Variants in KLHL1 observed in about 807,000 individuals in gnomAD.
KLHL1 encodes the protein kelch like family member 1, also known as kelch-like protein 1.
KLHL1 carries 47 observed loss-of-function variants against 77.7 expected under a neutral mutation model. The ratio of observed to expected loss-of-function variants is 0.60; its 90% CI spans 0.48 to 0.77. KLHL1 has a LOEUF of 0.77. Among genes scored for constraint, KLHL1 ranks in the 30% least tolerant of loss-of-function variants. The probability of loss-of-function intolerance (pLI) is 0.00; values close to 1 mark genes in which losing one functional copy is unlikely to be tolerated. For synonymous variants in KLHL1, 360 were observed against 325.2 expected (o/e 1.11, Z -1.15); for missense variants, 925 against 910.8 (o/e 1.02, Z -0.20).
At chr13:69,936,508 G>A (rs77904100) in intron 4 of KLHL1, among the ~76,000 whole-genome samples, 7,462 of 149,242 alleles carry the variant, frequency 0.05, 435 homozygotes, top group African/African-American at 0.14. Flanking sequence ...AGAATTGCCC[G>A]AACCTGGGAG....
intron 6 of KLHL1, among the ~76,000 whole-genome samples, chr13:69,799,724 G>T (rs149952625): frequency 2.0e-3 from 301 of 152,272 alleles, no homozygotes; most frequent in Non-Finnish European, 3.7e-3. Context: ...CCATGGCTCT[G>T]TTCCTTTCTG....
chr13:69,988,468 G>A (rs1278432453), intron 1 of KLHL1, among the ~76,000 whole-genome samples: 1 of 151,856 alleles, frequency 6.6e-6, no homozygotes, highest in Non-Finnish European at 1.5e-5. Flanking sequence ...ATATTCCTTT[G>A]GGTATATACT....
chr13:69,940,855 T>A (rs1320163165), intron 3 of KLHL1, among the ~76,000 whole-genome samples: 1 of 147,594 alleles, frequency 6.8e-6, no homozygotes, highest in African/African-American at 2.5e-5. Flanking sequence ...TTTTCTAATA[T>A]CCAGAATAAT....
intron 4 of KLHL1, among the ~76,000 whole-genome samples, chr13:69,909,041 A>G (rs1433228388): frequency 1.3e-5 from 2 of 149,712 alleles, no homozygotes; most frequent in African/African-American, 4.9e-5. Context: ...ACTTCTGATT[A>G]TTTACCTCAT....
At chr13:69,759,723 G>T (rs1483024181) in intron 7 of KLHL1, among the ~76,000 whole-genome samples, 1 of 152,134 alleles carries the variant, frequency 6.6e-6, no homozygotes, top group Non-Finnish European at 1.5e-5. Context: ...TTTCTACAGG[G>T]ATGACTTTTA....
At chr13:69,858,627 G>C (rs956282051) in intron 5 of KLHL1, among the ~76,000 whole-genome samples, 3 of 151,806 alleles carry the variant, frequency 2.0e-5, no homozygotes, top group Non-Finnish European at 4.4e-5. Flanking sequence ...GTTTTTTTCT[G>C]AACTATCACA....
chr13:70,068,336 G>C (rs1441509282), intron 1 of KLHL1, among the ~76,000 whole-genome samples: 1 of 144,974 alleles, frequency 6.9e-6, no homozygotes, highest in African/African-American at 2.6e-5. Flanking sequence ...GCGAGACTCC[G>C]TCTCAAAAAC....
intron 3 of KLHL1, among the ~76,000 whole-genome samples, chr13:69,951,450 C>T (rs1883709894): frequency 6.6e-6 from 1 of 151,610 alleles, no homozygotes; most frequent in African/African-American, 2.4e-5. Context: ...CCAGGTTATA[C>T]TGAAGTTATC....
intron 4 of KLHL1, among the ~76,000 whole-genome samples, chr13:69,909,374 T>G (rs1269341724): frequency 6.6e-6 from 1 of 151,828 alleles, no homozygotes; most frequent in East Asian, 1.9e-4. Flanking sequence ...TGCAAAATAT[T>G]TTACATTATA....
chr13:69,740,555 A>T lies in KLHL1; in HGVS notation c.1641T>A (p.Gly547=). The T allele has an allele frequency of 6.2e-7, 1 of 1,602,656 alleles. No homozygotes were observed. Among genetic ancestry groups the T allele is most frequent in the East Asian group, 2.2e-5 (1 of 44,734 alleles). The change falls in exon 8 of 11, where the codon GGT becomes GGA. Residue 547 remains glycine, a splice_region_variant and synonymous_variant. Coordinates refer to ENST00000377844, the MANE Select transcript of KLHL1 (RefSeq NM_020866.3). ...PPMSTHRHGL[G]VTVLEGPIYA... Reference sequence around the variant, plus strand: ...AAATAGGGCCTTCAAGTACTGTTACACCTAAAATATTAGATAAATGAATGT... The same window carrying T: ...AAATAGGGCCTTCAAGTACTGTTACTCCTAAAATATTAGATAAATGAATGT...
intron 1 of KLHL1, among the ~76,000 whole-genome samples, chr13:70,043,912 C>G (rs185496568): frequency 1.6e-4 from 24 of 152,306 alleles, no homozygotes; most frequent in Non-Finnish European, 3.1e-4. Flanking sequence ...TCTGACTCAT[C>G]ATCTCTCAAT....
intron 1 of KLHL1, among the ~76,000 whole-genome samples, chr13:69,984,856 C>T (rs1481893609): frequency 1.3e-5 from 2 of 152,096 alleles, no homozygotes; most frequent in Non-Finnish European, 2.9e-5. Flanking sequence ...CACCTGTAAT[C>T]CCAGCACTTT....
intron 1 of KLHL1, among the ~76,000 whole-genome samples, chr13:70,039,350 C>A (rs1172371689): frequency 6.6e-6 from 1 of 152,126 alleles, no homozygotes; most frequent in African/African-American, 2.4e-5. Flanking sequence ...TCTCAAAGTG[C>A]TGGGATTACA....
At chr13:70,054,463 C>T (rs1436689071) in intron 1 of KLHL1, among the ~76,000 whole-genome samples, 2 of 151,900 alleles carry the variant, frequency 1.3e-5, no homozygotes, top group Non-Finnish European at 2.9e-5. Context: ...TGGATATATA[C>T]GTAACATTGA....
At chr13:70,016,404 G>T (rs888176833) in intron 1 of KLHL1, among the ~76,000 whole-genome samples, 1 of 152,222 alleles carries the variant, frequency 6.6e-6, no homozygotes, top group Admixed American at 6.5e-5. Flanking sequence ...TGCACTCTTG[G>T]GGGCCCAGGA....
At chr13:69,827,729 CAAAAAAAAA>C (rs58504097) in intron 6 of KLHL1, among the ~76,000 whole-genome samples, 1,548 of 73,072 alleles carry the variant, frequency 0.021, 31 homozygotes, top group African/African-American at 0.06. Context: ...GACCCTGTCT[CAAAAAAAAA>C]AAAAAAAAAA....
intron 2 of KLHL1, among the ~76,000 whole-genome samples, chr13:69,964,034 T>A (rs1054799339): frequency 1.8e-5 from 2 of 108,400 alleles, no homozygotes; most frequent in African/African-American, 6.9e-5. Context: ...ACTGTTGGAA[T>A]TTTTTTGTCA....
intron 1 of KLHL1, among the ~76,000 whole-genome samples, chr13:69,999,719 T>C (rs1374857001): frequency 6.6e-6 from 1 of 152,038 alleles, no homozygotes; most frequent in South Asian, 2.1e-4. Flanking sequence ...GGTAGAACTT[T>C]CAGAAACAAA....
At chr13:69,988,331 A>G (rs1884932336) in intron 1 of KLHL1, among the ~76,000 whole-genome samples, 3 of 152,074 alleles carry the variant, frequency 2.0e-5, no homozygotes, top group African/African-American at 7.2e-5. Context: ...TAAATGGTGT[A>G]TATGTACCAC....
Sources: gnomAD v4.1 joint callset for allele counts (sites outside exome capture counted in the v4.1 genomes callset) on GRCh38, gnomAD v4.1.1 for gene constraint, MANE v1.5 for transcripts, NCBI Gene and HGNC (gene_info 2026-07-23, HGNC 2026-07-21) for gene names.